The following KAZN variants were observed in gnomAD, a reference collection of about 807,000 sequenced individuals.
KAZN encodes kazrin.
KAZN carries 40 observed loss-of-function variants against 87.4 expected under a neutral mutation model. That is an observed-to-expected ratio of 0.46 (90% CI 0.36 to 0.60). The LOEUF is 0.60. KAZN is among the 20% of genes least tolerant of loss of function. The pLI, the probability that KAZN is intolerant of heterozygous loss-of-function variation, is 0.00. For synonymous variants in KAZN, 466 were observed against 458.3 expected (o/e 1.02, Z -0.22); for missense variants, 898 against 1,073.9 (o/e 0.84, Z 2.29).
At chr1:14,126,213 C>T (rs1266645756) in intron 1 of KAZN, among the ~76,000 whole-genome samples, 1 of 152,090 alleles carries the variant, frequency 6.6e-6, no homozygotes, top group Admixed American at 6.5e-5. Context: ...CTTTCAGTCA[C>T]GTGAGGCACA....
intron 2 of KAZN, among the ~76,000 whole-genome samples, chr1:14,242,982 G>A (rs1256446076): frequency 2.0e-5 from 3 of 152,130 alleles, no homozygotes; most frequent in Non-Finnish European, 2.9e-5. Flanking sequence ...TGATGATTTC[G>A]AATGAAAATG....
chr1:14,427,755 A>G (rs1020017763), intron 2 of KAZN, among the ~76,000 whole-genome samples: 7 of 152,232 alleles, frequency 4.6e-5, no homozygotes, highest in Non-Finnish European at 7.3e-5. Flanking sequence ...AAGCAAGTCC[A>G]TGCTCACCAC....
rs182988192 is a variant in KAZN at position 14,907,963 on chromosome 1, G to A, written c.227-52721G>A. Among the ~76,000 whole-genome samples the A allele has an allele frequency of 1.2e-3, 189 of 152,318 alleles. 1 individual carries two copies. Among genetic ancestry groups the A allele is most frequent in the African/African-American group, 3.9e-3 (161 of 41,570 alleles). On this transcript the variant is annotated intron_variant, in intron 1 of 14. Coordinates refer to ENST00000376030, the MANE Select transcript of KAZN (RefSeq NM_201628.3). Reference sequence around the variant, plus strand: ...GACTTTGCTATGCCAACCCAGACTGGGGCTCCATGAGATAGGTCATAGCTT... The same window carrying A: ...GACTTTGCTATGCCAACCCAGACTGAGGCTCCATGAGATAGGTCATAGCTT...
chr1:15,060,039 C>A, intron 5 of KAZN, 133 bp from the exon 6 acceptor site: 1 of 1,179,350 alleles, frequency 8.5e-7, no homozygotes, highest in Non-Finnish European at 1.2e-6. Context: ...GAGAACCAGG[C>A]AAGTCTCTTC....
In KAZN at chr1:15,094,631, C is replaced by T. The variant is rs904513736; in HGVS notation, c.1429-184C>T. Among the ~76,000 whole-genome samples the T allele has an allele frequency of 6.6e-6, 1 of 152,226 alleles. No individual in the cohort carries two copies. ...TTTACCTGCCTAAGGGAAAGGGCTC[C>T]CTCTGCCTGAACAGGGATTCCGCCC... On this transcript the variant is annotated intron_variant, in intron 9 of 14. Coordinates refer to ENST00000376030, the MANE Select transcript of KAZN (RefSeq NM_201628.3). The surrounding 1 kb of genome is among the most constrained non-coding windows in gnomAD (Gnocchi z 4.5).
At chr1:14,721,593 T>C (rs1278752879) in intron 1 of KAZN, among the ~76,000 whole-genome samples, 2 of 152,236 alleles carry the variant, frequency 1.3e-5, no homozygotes, top group African/African-American at 4.8e-5. Flanking sequence ...ACCTCAAGGA[T>C]GACATTTCAA....
intron 1 of KAZN, among the ~76,000 whole-genome samples, chr1:14,907,981 C>G (rs959383112): frequency 2.6e-5 from 4 of 152,232 alleles, no homozygotes; most frequent in African/African-American, 9.6e-5. Flanking sequence ...TGAGATAGGT[C>G]ATAGCTTCTG....
chr1:14,215,481 C>T (rs1341829594), intron 2 of KAZN, among the ~76,000 whole-genome samples: 2 of 152,110 alleles, frequency 1.3e-5, no homozygotes, highest in African/African-American at 4.8e-5. Context: ...ACTGGGGATT[C>T]AAAGGTCTAC....
intron 2 of KAZN, among the ~76,000 whole-genome samples, chr1:14,373,242 T>C (rs1483671780): frequency 6.6e-6 from 1 of 150,690 alleles, no homozygotes; most frequent in Non-Finnish European, 1.5e-5. Flanking sequence ...CATATAATTA[T>C]AAGGAATTGG....
At chr1:14,903,075 G>T (rs914803217) in intron 1 of KAZN, among the ~76,000 whole-genome samples, 3 of 151,824 alleles carry the variant, frequency 2.0e-5, no homozygotes, top group Non-Finnish European at 4.4e-5. Flanking sequence ...CACCATGTTG[G>T]CCAGGCTGGT....
intron 1 of KAZN, among the ~76,000 whole-genome samples, chr1:14,806,616 G>C (rs1057452162): frequency 1.3e-5 from 2 of 152,110 alleles, no homozygotes; most frequent in South Asian, 4.2e-4. Context: ...AACACACCAG[G>C]CTTCTTGACT....
chr1:14,510,532 C>T (rs138106718), intron 2 of KAZN, among the ~76,000 whole-genome samples: 2 of 152,250 alleles, frequency 1.3e-5, no homozygotes, highest in African/African-American at 4.8e-5. Flanking sequence ...ACTGTGTATC[C>T]TGTACTTTTA....
intron 2 of KAZN, among the ~76,000 whole-genome samples, chr1:14,545,357 T>C (rs1163192292): frequency 6.6e-6 from 1 of 152,200 alleles, no homozygotes; most frequent in Non-Finnish European, 1.5e-5. Context: ...AAACAGTCTA[T>C]AGAGTGCTGT....
At chr1:13,932,724 G>A in intron 1 of KAZN, among the ~76,000 whole-genome samples, 1 of 152,166 alleles carries the variant, frequency 6.6e-6, no homozygotes, top group Non-Finnish European at 1.5e-5. Flanking sequence ...AGTCTGGCTT[G>A]GGCCGGAGCT....
At chr1:14,807,021 G>A (rs900357929) in intron 1 of KAZN, among the ~76,000 whole-genome samples, 9 of 152,210 alleles carry the variant, frequency 5.9e-5, no homozygotes, top group Non-Finnish European at 1.2e-4. Flanking sequence ...GAGATGGTTG[G>A]CAGGAGGCAG....
At chr1:14,226,753 T>C (rs775870988) in intron 2 of KAZN, among the ~76,000 whole-genome samples, 4 of 152,160 alleles carry the variant, frequency 2.6e-5, no homozygotes, top group Non-Finnish European at 4.4e-5. Flanking sequence ...TGCAATAACA[T>C]GGATGGAGTT....
intron 1 of KAZN, among the ~76,000 whole-genome samples, chr1:14,106,348 C>T (rs931724536): frequency 1.3e-5 from 2 of 152,238 alleles, no homozygotes; most frequent in Non-Finnish European, 2.9e-5. Context: ...AGGCAGGATT[C>T]TGCCAAAACT....
chr1:14,679,645 C>T (rs559089887), intron 1 of KAZN, among the ~76,000 whole-genome samples: 2 of 152,220 alleles, frequency 1.3e-5, no homozygotes, highest in East Asian at 3.9e-4. Flanking sequence ...AGGTGCCTTA[C>T]GTGTTTGTAT....
intron 1 of KAZN, among the ~76,000 whole-genome samples, chr1:14,803,378 C>G (rs1347471958): frequency 6.6e-6 from 1 of 152,188 alleles, no homozygotes; most frequent in Admixed American, 6.5e-5. Flanking sequence ...TCCCTCCTGT[C>G]CCTGGTGCAT....
Sources: gnomAD v4.1 joint callset for allele counts (sites outside exome capture counted in the v4.1 genomes callset) on GRCh38, gnomAD v4.1.1 for gene constraint, Gnocchi (gnomAD v3.1) non-coding constraint, MANE v1.5 for transcripts, NCBI Gene and HGNC (gene_info 2026-07-23, HGNC 2026-07-21) for gene names.